Variants in TPTE observed in about 807,000 individuals in gnomAD.
The protein encoded by TPTE is putative tyrosine-protein phosphatase TPTE.
Under a neutral mutation model 84.1 loss-of-function variants are expected in TPTE, and 59 were observed. That is an observed-to-expected ratio of 0.70 (90% CI 0.57 to 0.87). The LOEUF (loss-of-function observed/expected upper bound fraction) is 0.87. TPTE is among the 40% of genes least tolerant of loss of function. TPTE has a pLI of 0.00. For missense variants in TPTE, 382 were observed against 659.6 expected (o/e 0.58, Z 4.61); for synonymous variants, 130 against 223.5 (o/e 0.58, Z 3.73).
At chr21:10,570,957 C>T (rs2075030514) in intron 14 of TPTE, among the ~76,000 whole-genome samples, 1 of 152,262 alleles carries the variant, frequency 6.6e-6, no homozygotes, top group Admixed American at 6.5e-5. Context: ...ATGCACCCCC[C>T]AAGGCCCAAG....
intron 2 of TPTE, among the ~76,000 whole-genome samples, chr21:10,525,024 C>T (rs1450545042): frequency 6.6e-6 from 1 of 152,308 alleles, no homozygotes; most frequent in African/African-American, 2.4e-5. Flanking sequence ...TTAATCTTTC[C>T]TACAGGGGCA....
intron 3 of TPTE, among the ~76,000 whole-genome samples, chr21:10,528,218 A>G (rs2074114563): frequency 6.6e-6 from 1 of 152,126 alleles, no homozygotes; most frequent in Non-Finnish European, 1.5e-5. Context: ...AAAATCGTGT[A>G]TACATTTATG....
At chr21:10,543,055 C>G (rs1276940599) in intron 6 of TPTE, among the ~76,000 whole-genome samples, 1 of 111,990 alleles carries the variant, frequency 8.9e-6, no homozygotes, top group Non-Finnish European at 1.6e-5. Context: ...CGGAGTCTCG[C>G]TCTGTCGCCC....
intron 23 of TPTE, 46 bp from the exon 24 acceptor site, chr21:10,605,371 T>C (rs748538351): frequency 1.2e-6 from 2 of 1,601,266 alleles, no homozygotes; most frequent in African/African-American, 2.7e-5. Flanking sequence ...GTGTGGCTTT[T>C]CAGTGAGCCC....
chr21:10,552,262 G>T (rs1232888301), intron 7 of TPTE, among the ~76,000 whole-genome samples: 1 of 152,312 alleles, frequency 6.6e-6, no homozygotes, highest in Non-Finnish European at 1.5e-5. Flanking sequence ...AAACATTTGT[G>T]TGAGTTGCTT....
chr21:10,526,511 A>T (rs1415403088), intron 2 of TPTE, among the ~76,000 whole-genome samples: 2 of 152,312 alleles, frequency 1.3e-5, no homozygotes, highest in Non-Finnish European at 2.9e-5. Flanking sequence ...AAACCTCAGC[A>T]CACTCTTAGA....
intron 17 of TPTE, among the ~76,000 whole-genome samples, chr21:10,587,466 G>T (rs1393404301): frequency 6.6e-6 from 1 of 152,278 alleles, no homozygotes; most frequent in Non-Finnish European, 1.5e-5. Flanking sequence ...GAGAACATAT[G>T]GTATTTGGTT....
chr21:10,550,047 A>T (rs558545946), intron 7 of TPTE, among the ~76,000 whole-genome samples: 1 of 152,426 alleles, frequency 6.6e-6, no homozygotes. Context: ...TTCAGCCAAG[A>T]ATATTATAGC....
chr21:10,544,289 T>A (rs1260096653), intron 7 of TPTE, among the ~76,000 whole-genome samples: 1 of 152,308 alleles, frequency 6.6e-6, no homozygotes, highest in African/African-American at 2.4e-5. Flanking sequence ...AGCATGTGAG[T>A]TTTGTATGTA....
chr21:10,537,149 G>C (rs1367192724), intron 3 of TPTE, among the ~76,000 whole-genome samples: 1 of 152,308 alleles, frequency 6.6e-6, no homozygotes, highest in Admixed American at 6.5e-5. Context: ...AAGGGGATTT[G>C]TATATAGAAA....
chr21:10,566,645 A>T (rs891563454), intron 10 of TPTE, among the ~76,000 whole-genome samples: 4 of 152,308 alleles, frequency 2.6e-5, no homozygotes, highest in Non-Finnish European at 5.9e-5. Context: ...AAAATATAGT[A>T]CATATACACA....
intron 7 of TPTE, among the ~76,000 whole-genome samples, chr21:10,551,175 CTG>C (rs1396725416): frequency 6.6e-6 from 1 of 152,300 alleles, no homozygotes; most frequent in African/African-American, 2.4e-5. Flanking sequence ...TTTCAGCAAA[CTG>C]TCGCAAGGAC....
intron 3 of TPTE, among the ~76,000 whole-genome samples, chr21:10,529,045 A>G (rs469972): frequency 0.21 from 31,041 of 144,886 alleles, 235 homozygotes; most frequent in African/African-American, 0.45. Context: ...TTAGCTGGGC[A>G]TGGTGGTGCA....
At chr21:10,560,901 C>T in intron 9 of TPTE, 129 bp from the exon 10 acceptor site, 1 of 1,172,258 alleles carries the variant, frequency 8.5e-7, no homozygotes, top group Non-Finnish European at 1.2e-6. Flanking sequence ...TTTCCTGCCA[C>T]TGGGCAGCTT....
At chr21:10,538,814 A>G (rs1007662645) in intron 4 of TPTE, 80 bp downstream of exon 4, 6 of 1,613,564 alleles carry the variant, frequency 3.7e-6, no homozygotes, top group South Asian at 3.3e-5. Flanking sequence ...GCACATAAAC[A>G]AATATATCCA....
At chr21:10,533,175 C>T (rs2074208327) in intron 3 of TPTE, among the ~76,000 whole-genome samples, 1 of 152,312 alleles carries the variant, frequency 6.6e-6, no homozygotes, top group Admixed American at 6.5e-5. Context: ...GTAAGTTTCT[C>T]AATCTAATCT....
chr21:10,570,953 C>T (rs538702483), intron 14 of TPTE, among the ~76,000 whole-genome samples: 64 of 152,182 alleles, frequency 4.2e-4, no homozygotes, highest in African/African-American at 1.4e-3. Context: ...CTAAATGCAC[C>T]CCCCAAGGCC....
At chr21:10,570,008 C>T (rs1600922899) in intron 13 of TPTE, among the ~76,000 whole-genome samples, 1 of 152,430 alleles carries the variant, frequency 6.6e-6, no homozygotes, top group East Asian at 1.9e-4. Context: ...AATTTATTAA[C>T]CTCTAGTAGT....
intron 17 of TPTE, among the ~76,000 whole-genome samples, chr21:10,589,943 A>G (rs2075435876): frequency 6.6e-6 from 1 of 152,306 alleles, no homozygotes; most frequent in Non-Finnish European, 1.5e-5. Context: ...CATCTTGGAA[A>G]AAACATCCTT....
Sources: gnomAD v4.1 joint callset for allele counts (sites outside exome capture counted in the v4.1 genomes callset) on GRCh38, gnomAD v4.1.1 for gene constraint, MANE v1.5 for transcripts, NCBI Gene and HGNC (gene_info 2026-07-23, HGNC 2026-07-21) for gene names.